The following MEGF11 variants were observed in gnomAD, a reference collection of about 807,000 sequenced individuals.
MEGF11 encodes multiple epidermal growth factor-like domains protein 11.
Under a neutral mutation model 146.6 loss-of-function variants are expected in MEGF11, and 126 were observed. The ratio of observed to expected loss-of-function variants is 0.86; its 90% CI spans 0.74 to 1.00. The LOEUF (loss-of-function observed/expected upper bound fraction) is 1.00. Among genes scored for constraint, MEGF11 ranks in the 50% least tolerant of loss-of-function variants. MEGF11 has a pLI of 0.00. For missense variants in MEGF11, 1,509 were observed against 1,521.2 expected, an observed-to-expected ratio of 0.99 and a Z score of 0.13; for synonymous variants, 532 against 583.4, an observed-to-expected ratio of 0.91 and a Z score of 1.27.
chr15:65,912,187 A>G lies in MEGF11; in HGVS notation c.2724T>C (p.Ser908=). The G allele has an allele frequency of 8.1e-7, 1 of 1,232,358 alleles. No individual in the cohort carries two copies. Among genetic ancestry groups the G allele is most frequent in the Non-Finnish European group, 1.0e-6 (1 of 988,146 alleles). The allele number at this position is 1,232,358 out of a possible 1,614,324, so 76.3% of individuals were successfully genotyped here. A position where few individuals can be genotyped will look rare whatever the true frequency, so the allele number is the denominator to read the frequency against. ...TDYSLSDLSQ[S]SSHAHCFSNS... ...TGGAAAAGCAGTGGGCATGGCTGCTACTTTGAGACAAATCTGGGAAGAGAA... is the reference window on the plus strand; with the variant it reads ...TGGAAAAGCAGTGGGCATGGCTGCTGCTTTGAGACAAATCTGGGAAGAGAA... Residue 908 remains serine (S), a synonymous_variant, in exon 21 of 26, where the codon AGT becomes AGC. Coordinates refer to ENST00000395614, the MANE Select transcript of MEGF11 (RefSeq NM_001385028.1).
intron 4 of MEGF11, among the ~76,000 whole-genome samples, chr15:66,118,207 G>A (rs1156642067): frequency 6.6e-6 from 1 of 152,056 alleles, no homozygotes; most frequent in Non-Finnish European, 1.5e-5. Context: ...CCACTGGAAA[G>A]TCCACTGGCC....
At chr15:66,013,833 C>T (rs2082790625) in intron 5 of MEGF11, among the ~76,000 whole-genome samples, 1 of 152,174 alleles carries the variant, frequency 6.6e-6, no homozygotes, top group South Asian at 2.1e-4. Context: ...AAGAGTAGTT[C>T]CAGTTGGATA....
chr15:66,217,435 G>A (rs529822476), intron 1 of MEGF11, among the ~76,000 whole-genome samples: 1 of 152,358 alleles, frequency 6.6e-6, no homozygotes, highest in East Asian at 1.9e-4. Context: ...ATGCAGCTGA[G>A]GCTTGTGATA....
chr15:65,999,632 C>T (rs183418798), intron 5 of MEGF11, among the ~76,000 whole-genome samples: 3 of 152,304 alleles, frequency 2.0e-5, no homozygotes, highest in Non-Finnish European at 4.4e-5. Flanking sequence ...TTCTTCATCT[C>T]TCCTATAAAA....
At position 65,964,982 on chromosome 15, in the gene MEGF11, C is replaced by T. The variant is rs764939912; in HGVS notation, c.1038G>A (p.Glu346=). ...EPGYKGPRCQ[E]RLCPEGLHGP... ...CATGCAGGCCCTCCGGGCACAGTCGCTCCTGGCAGCGTGGGCCCTTGTAGC... is the reference window on the plus strand; with the variant it reads ...CATGCAGGCCCTCCGGGCACAGTCGTTCCTGGCAGCGTGGGCCCTTGTAGC... Residue 346 remains glutamate (E), a synonymous_variant, in exon 9 of 26, where the codon GAG becomes GAA. Coordinates refer to ENST00000395614, the MANE Select transcript of MEGF11 (RefSeq NM_001385028.1). 2 of 1,568,634 alleles carry T rather than the reference C, an allele frequency of 1.3e-6. No homozygotes were observed. Among genetic ancestry groups the T allele is most frequent in the South Asian group, 1.2e-5 (1 of 85,230 alleles).
chr15:66,242,793 C>T (rs186303197), intron 1 of MEGF11, among the ~76,000 whole-genome samples: 1 of 152,302 alleles, frequency 6.6e-6, no homozygotes, highest in Non-Finnish European at 1.5e-5. Flanking sequence ...CAGCCCTTCT[C>T]TCTCCTGCCC....
At chr15:66,127,853 C>T (rs368595662) in intron 2 of MEGF11, among the ~76,000 whole-genome samples, 34,331 of 152,090 alleles carry the variant, frequency 0.23, 4,278 homozygotes, top group South Asian at 0.42. Flanking sequence ...CCTCACCCGT[C>T]CTCCTCAGGG....
At chr15:66,124,497 G>A (rs1341828945) in intron 2 of MEGF11, among the ~76,000 whole-genome samples, 1 of 152,162 alleles carries the variant, frequency 6.6e-6, no homozygotes, top group Admixed American at 6.5e-5. Flanking sequence ...ATCAATAGGT[G>A]CTAACATTTA....
At chr15:65,915,915 C>T (rs187850809) in intron 18 of MEGF11, among the ~76,000 whole-genome samples, 289 of 152,314 alleles carry the variant, frequency 1.9e-3, no homozygotes, top group African/African-American at 6.6e-3. Flanking sequence ...ACTATTCTCT[C>T]ATTACTTGCT....
intron 1 of MEGF11, among the ~76,000 whole-genome samples, chr15:66,151,107 T>C (rs1479269098): frequency 6.6e-6 from 1 of 152,106 alleles, no homozygotes; most frequent in African/African-American, 2.4e-5. Context: ...TTTGAACTAC[T>C]TGGAATTCCC....
intron 1 of MEGF11, among the ~76,000 whole-genome samples, chr15:66,169,344 C>A (rs775751686): frequency 6.6e-6 from 1 of 152,218 alleles, no homozygotes; most frequent in African/African-American, 2.4e-5. Context: ...GTCTGCCCAA[C>A]AAAAGCCCAG....
chr15:65,926,317 G>A (rs1043324863), intron 13 of MEGF11, among the ~76,000 whole-genome samples: 4 of 152,218 alleles, frequency 2.6e-5, no homozygotes, highest in African/African-American at 9.6e-5. Context: ...GAGAAGGTTG[G>A]TGGAGATAAT....
intron 5 of MEGF11, among the ~76,000 whole-genome samples, chr15:65,992,459 G>GGGT (rs2082081101): frequency 6.9e-6 from 1 of 145,606 alleles, no homozygotes; most frequent in Admixed American, 6.8e-5. Context: ...GTGGGGGGGG[G>GGGT]GGTTAGTCAC....
intron 5 of MEGF11, among the ~76,000 whole-genome samples, chr15:66,078,004 C>A (rs1316746224): frequency 6.6e-6 from 1 of 152,104 alleles, no homozygotes; most frequent in Non-Finnish European, 1.5e-5. Context: ...GCCCAATTGG[C>A]GTTTCAGTAG....
Position 65,914,214 on chromosome 15 carries a change from T to C in MEGF11, c.2474-241A>G, listed in dbSNP as rs985179712. On this transcript the variant is annotated intron_variant, in intron 19 of 25. Coordinates refer to ENST00000395614, the MANE Select transcript of MEGF11 (RefSeq NM_001385028.1). The stretch of plus-strand genomic sequence containing the variant: ...GACTGTCGATGTGAAACAATAAATA[T>C]TATTTTACTCTGTTCCAAAAATGAG... 5.3e-6 allele frequency: 3 copies of C among 566,984 alleles called. No homozygotes were observed. In the African/African-American group the frequency reaches 5.6e-5, roughly 11 times the overall value. The allele number at this position is 566,984 out of a possible 1,614,324, so 35.1% of individuals were successfully genotyped here. A position where few individuals can be genotyped will look rare whatever the true frequency, so the allele number is the denominator to read the frequency against.
chr15:66,067,296 C>T lies in MEGF11; in HGVS notation c.394+27106G>A, dbSNP rs114776522. 2.6e-3 allele frequency among the ~76,000 whole-genome samples: 391 copies of T among 152,328 alleles called. 5 individuals carry two copies. Among genetic ancestry groups the T allele is most frequent in the African/African-American group, 8.8e-3 (367 of 41,568 alleles). On this transcript the variant is annotated intron_variant, in intron 5 of 25. Transcript: ENST00000395614. Reference sequence around the variant, plus strand: ...ACTACTGCAGTTATTATTACCCACACGGTGGTCACCAACAGTAATGATGCC... The same window carrying T: ...ACTACTGCAGTTATTATTACCCACATGGTGGTCACCAACAGTAATGATGCC...
intron 1 of MEGF11, among the ~76,000 whole-genome samples, chr15:66,229,277 C>T (rs1165315622): frequency 6.6e-6 from 1 of 151,928 alleles, no homozygotes; most frequent in Non-Finnish European, 1.5e-5. Context: ...GGTATGCTTC[C>T]CCAGCCCCAA....
rs539367261 is a variant in MEGF11 at position 66,022,873 on chromosome 15, G to T, written c.395-40385C>A. Among the ~76,000 whole-genome samples the T allele has an allele frequency of 3.3e-5, 5 of 151,778 alleles. No homozygotes were observed. In the East Asian group the frequency reaches 9.7e-4, roughly 29 times the overall value. On this transcript the variant is annotated intron_variant, in intron 5 of 25. Coordinates refer to ENST00000395614, the MANE Select transcript of MEGF11 (RefSeq NM_001385028.1). The stretch of plus-strand genomic sequence containing the variant: ...AAAAAAAAAAAAAAAAAATTGGTTG[G>T]GGGTAGTGGCTCATGACTGTAATCC...
chr15:65,992,863 C>T (rs1230323478), intron 5 of MEGF11, among the ~76,000 whole-genome samples: 1 of 152,128 alleles, frequency 6.6e-6, no homozygotes, highest in Non-Finnish European at 1.5e-5. Flanking sequence ...AGGTGGCTTG[C>T]CCACAACTTC....
Sources: gnomAD v4.1 joint callset for allele counts (sites outside exome capture counted in the v4.1 genomes callset) on GRCh38, gnomAD v4.1.1 for gene constraint, MANE v1.5 for transcripts, NCBI Gene and HGNC (gene_info 2026-07-23, HGNC 2026-07-21) for gene names.